FTCDNL1: variants seen among roughly 807,000 people sequenced by gnomAD.
FTCDNL1 encodes formiminotransferase cyclodeaminase N-terminal like.
In FTCDNL1, 11 loss-of-function variants were observed where a neutral mutation model predicts 5.9. That is an observed-to-expected ratio of 1.87 (90% CI 1.18 to 3.10). The LOEUF is 3.10. Among genes scored for constraint, FTCDNL1 ranks in the 30% most tolerant of loss-of-function variants. FTCDNL1 has a pLI of 0.00. For missense variants in FTCDNL1, 115 were observed against 65.5 expected (o/e 1.76, Z -2.61); for synonymous variants, 58 against 24.8 (o/e 2.34, Z -3.99).
the FTCDNL1 span, among the ~76,000 whole-genome samples, chr2:199,742,822 T>C: frequency 6.6e-6 from 1 of 152,080 alleles, no homozygotes; most frequent in Non-Finnish European, 1.5e-5. Context: ...AAAAATAAGG[T>C]ATGAGTTTTC....
the FTCDNL1 span, among the ~76,000 whole-genome samples, chr2:199,725,827 T>C: frequency 6.6e-6 from 1 of 152,202 alleles, no homozygotes; most frequent in African/African-American, 2.4e-5. Flanking sequence ...ATTTTTTCCT[T>C]CATTCTGACC....
chr2:199,698,847 G>A, the FTCDNL1 span, among the ~76,000 whole-genome samples: 1 of 151,964 alleles, frequency 6.6e-6, no homozygotes, highest in East Asian at 1.9e-4. Flanking sequence ...TTCTTTGAAA[G>A]AATAAATGAG....
At chr2:199,790,535 G>A (rs898457696) in intron 3 of FTCDNL1, among the ~76,000 whole-genome samples, 3 of 149,846 alleles carry the variant, frequency 2.0e-5, no homozygotes, top group African/African-American at 7.3e-5. Flanking sequence ...GATATACAAA[G>A]GGGTATCTTT....
At chr2:199,805,856 C>T (rs1241422371), downstream of FTCDNL1, among the ~76,000 whole-genome samples, 1 of 151,416 alleles carries the variant, frequency 6.6e-6, no homozygotes, top group Non-Finnish European at 1.5e-5. Flanking sequence ...GACGTCAAGG[C>T]TGCAGAGAGC....
At chr2:199,709,248 T>A in the FTCDNL1 span, among the ~76,000 whole-genome samples, 1 of 152,148 alleles carries the variant, frequency 6.6e-6, no homozygotes, top group African/African-American at 2.4e-5. Flanking sequence ...ACTCTGACTC[T>A]GAGCTCAGAG....
the FTCDNL1 span, among the ~76,000 whole-genome samples, chr2:199,680,854 C>T: frequency 6.6e-6 from 1 of 152,122 alleles, no homozygotes; most frequent in South Asian, 2.1e-4. Context: ...CACAATGTTC[C>T]CCCTTGCCGC....
chr2:199,826,488 CAAAAAAAA>C (rs35457727), intron 3 of FTCDNL1, among the ~76,000 whole-genome samples: 1 of 121,190 alleles, frequency 8.3e-6, no homozygotes. Context: ...ATTTCTCAGT[CAAAAAAAA>C]AAAAAAAAAA....
chr2:199,665,264 T>C, the FTCDNL1 span, among the ~76,000 whole-genome samples: 11 of 152,216 alleles, frequency 7.2e-5, no homozygotes, highest in South Asian at 2.3e-3. Flanking sequence ...CACCAGTGTC[T>C]TTAGACACCC....
At chr2:199,782,440 T>C (rs1429731494) in intron 3 of FTCDNL1, among the ~76,000 whole-genome samples, 1 of 152,240 alleles carries the variant, frequency 6.6e-6, no homozygotes, top group African/African-American at 2.4e-5. Flanking sequence ...TATGTTCTTT[T>C]GTGACCCTTT....
At chr2:199,738,039 A>G in the FTCDNL1 span, among the ~76,000 whole-genome samples, 13 of 152,346 alleles carry the variant, frequency 8.5e-5, 1 homozygote, top group East Asian at 2.1e-3. Flanking sequence ...GGGTTCTCAC[A>G]GGTTGGGGGA....
At chr2:199,703,769 G>A in the FTCDNL1 span, among the ~76,000 whole-genome samples, 2 of 152,090 alleles carry the variant, frequency 1.3e-5, no homozygotes, top group Non-Finnish European at 2.9e-5. Flanking sequence ...ATTATTGGGT[G>A]CATGGAGCTT....
chr2:199,780,742 C>G (rs1331106076), intron 3 of FTCDNL1, among the ~76,000 whole-genome samples: 2 of 152,148 alleles, frequency 1.3e-5, no homozygotes, highest in Admixed American at 1.3e-4. Context: ...CACAAGTGGG[C>G]AGGGGAATAC....
the FTCDNL1 span, among the ~76,000 whole-genome samples, chr2:199,729,306 C>G: frequency 4.0e-3 from 607 of 152,242 alleles, 5 homozygotes; most frequent in African/African-American, 0.014. Flanking sequence ...TAAGGATGCC[C>G]TCTCTCACCA....
intron 3 of FTCDNL1, among the ~76,000 whole-genome samples, chr2:199,824,022 C>A (rs1701863506): frequency 1.3e-5 from 2 of 152,056 alleles, no homozygotes; most frequent in South Asian, 4.1e-4. Context: ...ACTATATTGC[C>A]CAGGCTGGTC....
chr2:199,796,169 A>G (rs1438358459), intron 3 of FTCDNL1, among the ~76,000 whole-genome samples: 1 of 152,220 alleles, frequency 6.6e-6, no homozygotes, highest in Admixed American at 6.5e-5. Context: ...AACAGAATTA[A>G]AAACAAGGTT....
At chr2:199,787,934 T>G (rs1016384587) in intron 3 of FTCDNL1, among the ~76,000 whole-genome samples, 137 of 152,306 alleles carry the variant, frequency 9.0e-4, no homozygotes, top group Non-Finnish European at 3.4e-4. Flanking sequence ...GTGGTGATGG[T>G]GTCATTAGCA....
At chr2:199,758,451 C>CAA (rs754047700), downstream of FTCDNL1, among the ~76,000 whole-genome samples, 317 of 93,254 alleles carry the variant, frequency 3.4e-3, 5 homozygotes, top group African/African-American at 0.012. Context: ...CCATTCCCAC[C>CAA]AAAAAAAAAA....
the FTCDNL1 span, among the ~76,000 whole-genome samples, chr2:199,722,815 GT>G: frequency 6.6e-6 from 1 of 152,070 alleles, no homozygotes; most frequent in East Asian, 1.9e-4. Flanking sequence ...GTGTTTTGTA[GT>G]TCTCCTTGAA....
chr2:199,819,703 C>G lies in FTCDNL1; in HGVS notation c.266G>C (p.Gly89Ala). ...HVPGCSVFLFGEADLPEKRSL... is the reference protein window; with the variant it reads ...HVPGCSVFLFAEADLPEKRSL... ...GCGCTTCTCAGGCAGGTCAGCTTCG[C>G]CAAAGAGAAACACGCTGCAGCCAGG... The change falls in exon 4 of 5, where the codon GGC (glycine) becomes GCC (alanine). Residue 89 changes from glycine to alanine, a missense_variant. Gly to Ala is a moderately conservative substitution (Grantham distance 60). Coordinates refer to ENST00000420128, the MANE Select transcript of FTCDNL1 (RefSeq NM_001363886.2). The G allele has an allele frequency of 1.4e-6, 1 of 702,258 alleles. No homozygotes were observed. Among genetic ancestry groups the G allele is most frequent in the Non-Finnish European group, 2.6e-6 (1 of 384,806 alleles). 43.5% of individuals were successfully genotyped at this position (702,258 alleles called of 1,614,324 possible). A position where few individuals can be genotyped will look rare whatever the true frequency, so the allele number is the denominator to read the frequency against.
Sources: gnomAD v4.1 joint callset for allele counts (sites outside exome capture counted in the v4.1 genomes callset) on GRCh38, gnomAD v4.1.1 for gene constraint, MANE v1.5 for transcripts, NCBI Gene and HGNC (gene_info 2026-07-23, HGNC 2026-07-21) for gene names.